Variants in LRRTM3 observed in about 807,000 individuals in gnomAD.
LRRTM3 encodes leucine-rich repeat transmembrane neuronal protein 3.
A neutral mutation model predicts 44.7 loss-of-function variants in LRRTM3; 24 were observed. That is an observed-to-expected ratio of 0.54 (90% CI 0.39 to 0.76). The LOEUF (loss-of-function observed/expected upper bound fraction) is 0.76. LRRTM3 is among the 30% of genes least tolerant of loss of function. LRRTM3 has a pLI of 0.00. For synonymous variants in LRRTM3, 277 were observed against 278.7 expected (o/e 0.99, Z 0.06); for missense variants, 587 against 702.2 (o/e 0.84, Z 1.85).
At chr10:67,067,860 A>G (rs572535485) in intron 2 of LRRTM3, among the ~76,000 whole-genome samples, 1 of 152,364 alleles carries the variant, frequency 6.6e-6, no homozygotes, top group South Asian at 2.1e-4. Context: ...ATGAAATATG[A>G]CAAACGCTTG....
chr10:67,084,024 T>G (rs1857181631), intron 2 of LRRTM3, among the ~76,000 whole-genome samples: 1 of 152,160 alleles, frequency 6.6e-6, no homozygotes, highest in African/African-American at 2.4e-5. Flanking sequence ...AGAGGTTCGT[T>G]GCTTTGCAAC....
chr10:67,015,176 C>T (rs1852581579), intron 2 of LRRTM3: 1 of 152,142 alleles, frequency 6.6e-6, no homozygotes, highest in Non-Finnish European at 1.5e-5. Flanking sequence ...TACCTTGTCA[C>T]ATATTAATCA....
At position 66,927,695 on chromosome 10, in the gene LRRTM3, T is replaced by A; in HGVS notation, c.779T>A (p.Leu260Ter). ...TGGAGCTCCTTACAAAGGCTTGATT[T>A]ATCAGGCAATGAGATCGAAGCTTTC... ...WTWSSLQRLD[L>*]SGNEIEAFSG... The change falls in exon 2 of 3, where the codon TTA (leucine) becomes TAA (stop). Residue 260 changes from leucine (L) to a stop codon, truncating the protein, a stop_gained. Transcript: ENST00000361320. LOFTEE classifies it high-confidence loss of function. This position sits in a 1 kb window ranked among gnomAD's most constrained non-coding sequence, Gnocchi z 4.7. 6.2e-7 allele frequency: 1 copy of A among 1,614,196 alleles called. No homozygotes were observed. Among genetic ancestry groups the A allele is most frequent in the Non-Finnish European group, 8.5e-7 (1 of 1,180,038 alleles).
intron 2 of LRRTM3, among the ~76,000 whole-genome samples, chr10:66,986,953 C>T (rs1358684827): frequency 6.6e-6 from 1 of 152,126 alleles, no homozygotes; most frequent in African/African-American, 2.4e-5. Flanking sequence ...GAGTCAAGGT[C>T]ACATCGTCAG....
chr10:67,059,478 T>C (rs1855632631), intron 2 of LRRTM3, among the ~76,000 whole-genome samples: 2 of 152,174 alleles, frequency 1.3e-5, no homozygotes, highest in African/African-American at 4.8e-5. Flanking sequence ...CAAGAATGAA[T>C]TTAGGTCGAA....
Position 66,936,518 on chromosome 10 carries a change from T to C in LRRTM3, c.1536+8066T>C, listed in dbSNP as rs113361197. Among the ~76,000 whole-genome samples, 1,273 of 152,248 alleles carry C rather than the reference T, an allele frequency of 8.4e-3. 19 individuals are homozygous for C. The highest frequency in any genetic ancestry group is 0.029 in the African/African-American group (1,204 of 41,554). On this transcript the variant is annotated intron_variant, in intron 2 of 2. Transcript: ENST00000361320. ...TTTTGTTTCTCTGTTGTTTTCTGCCTGCAGATCTTAATTCTTTGAGTGCAC... is the reference window on the plus strand; with the variant it reads ...TTTTGTTTCTCTGTTGTTTTCTGCCCGCAGATCTTAATTCTTTGAGTGCAC...
At chr10:66,930,739 C>T (rs930210807) in intron 2 of LRRTM3, among the ~76,000 whole-genome samples, 4 of 152,084 alleles carry the variant, frequency 2.6e-5, no homozygotes, top group African/African-American at 9.7e-5. Flanking sequence ...TGATATAACA[C>T]TAAATGAATC....
chr10:67,074,550 C>T (rs919493557), intron 2 of LRRTM3, among the ~76,000 whole-genome samples: 2 of 151,202 alleles, frequency 1.3e-5, no homozygotes, highest in Non-Finnish European at 2.9e-5. Flanking sequence ...TGGGGTTTCA[C>T]CATGTTAGCC....
At chr10:66,967,121 T>C (rs1196750322) in intron 2 of LRRTM3, among the ~76,000 whole-genome samples, 1 of 152,078 alleles carries the variant, frequency 6.6e-6, no homozygotes, top group African/African-American at 2.4e-5. Context: ...GTTCTGCTAA[T>C]GAAACAATGG....
chr10:67,006,087 T>G (rs1851969748), intron 2 of LRRTM3, among the ~76,000 whole-genome samples: 1 of 152,172 alleles, frequency 6.6e-6, no homozygotes, highest in Non-Finnish European at 1.5e-5. Flanking sequence ...AACAGTACAG[T>G]GCCAGGTACT....
intron 2 of LRRTM3, among the ~76,000 whole-genome samples, chr10:66,971,007 A>G (rs1849691497): frequency 6.6e-6 from 1 of 152,012 alleles, no homozygotes; most frequent in African/African-American, 2.4e-5. Context: ...ATGCAAGTTT[A>G]TTTGCCTTTC....
At chr10:66,945,879 G>A (rs753105548) in intron 2 of LRRTM3, among the ~76,000 whole-genome samples, 11 of 152,164 alleles carry the variant, frequency 7.2e-5, no homozygotes, top group South Asian at 6.2e-4. Flanking sequence ...TCAGTGAAGC[G>A]GTCAGGACAT....
chr10:66,926,360 T>G lies in LRRTM3; in HGVS notation c.-224T>G. 1 of 614,552 alleles carries G rather than the reference T, an allele frequency of 1.6e-6. No individual in the cohort carries two copies. Among genetic ancestry groups the G allele is most frequent in the Non-Finnish European group, 2.9e-6 (1 of 342,382 alleles). 38.1% of individuals were successfully genotyped at this position (614,552 alleles called of 1,614,324 possible). On this transcript the variant is annotated 5_prime_UTR_variant, in exon 1 of 3. Coordinates refer to ENST00000361320, the MANE Select transcript of LRRTM3 (RefSeq NM_178011.5). ...CCTATTACCTAGGAAGATTTTGATG[T>G]TTTGCTGCGAATGCGGTGTTGGGAT...
At chr10:67,030,421 T>A (rs1343457549) in intron 2 of LRRTM3, among the ~76,000 whole-genome samples, 1 of 152,162 alleles carries the variant, frequency 6.6e-6, no homozygotes, top group Non-Finnish European at 1.5e-5. Context: ...ATTTAGGCCC[T>A]GTTGTGAATT....
intron 2 of LRRTM3, among the ~76,000 whole-genome samples, chr10:67,060,328 T>A (rs1223408715): frequency 6.6e-6 from 1 of 152,060 alleles, no homozygotes; most frequent in East Asian, 1.9e-4. Context: ...AAAGTCTTTT[T>A]AAAAAAATTC....
At chr10:66,939,203 A>G (rs1216310612) in intron 2 of LRRTM3, among the ~76,000 whole-genome samples, 1 of 152,194 alleles carries the variant, frequency 6.6e-6, no homozygotes, top group Non-Finnish European at 1.5e-5. Flanking sequence ...GATCATGCAG[A>G]AGGCATGTTA....
intron 2 of LRRTM3, among the ~76,000 whole-genome samples, chr10:66,983,555 T>C (rs1033055410): frequency 1.3e-5 from 2 of 151,864 alleles, no homozygotes; most frequent in Non-Finnish European, 2.9e-5. Context: ...CATGGTAACA[T>C]CTAAACTGGA....
intron 2 of LRRTM3, among the ~76,000 whole-genome samples, chr10:67,026,978 G>A (rs188898492): frequency 1.7e-4 from 26 of 152,266 alleles, no homozygotes; most frequent in African/African-American, 5.3e-4. Context: ...AGTTAATTCT[G>A]GGTTCTCAGA....
chr10:67,042,185 G>A (rs1285792480), intron 2 of LRRTM3, among the ~76,000 whole-genome samples: 1 of 152,128 alleles, frequency 6.6e-6, no homozygotes, highest in Admixed American at 6.6e-5. Flanking sequence ...GAACAAACCT[G>A]GATGTTAGAG....
Sources: gnomAD v4.1 joint callset for allele counts (sites outside exome capture counted in the v4.1 genomes callset) on GRCh38, gnomAD v4.1.1 for gene constraint, Gnocchi (gnomAD v3.1) non-coding constraint, MANE v1.5 for transcripts, NCBI Gene and HGNC (gene_info 2026-07-23, HGNC 2026-07-21) for gene names.